The following SLAIN1 variants were observed in gnomAD, a reference collection of about 807,000 sequenced individuals.
The protein encoded by SLAIN1 is SLAIN motif-containing protein 1.
In SLAIN1, 17 loss-of-function variants were observed where a neutral mutation model predicts 55.4. The observed-to-expected ratio is 0.31, with a 90% confidence interval of 0.21 to 0.46. The LOEUF (loss-of-function observed/expected upper bound fraction) is 0.46, where lower values mean the gene tolerates loss of function less well. SLAIN1 is among the 20% of genes least tolerant of loss of function. The pLI is 1.00. For missense variants in SLAIN1, 682 were observed against 785.1 expected, an observed-to-expected ratio of 0.87 and a Z score of 1.57; for synonymous variants, 348 against 337.4, an observed-to-expected ratio of 1.03 and a Z score of -0.35.
At chr13:77,758,611 G>C (rs770111078) in intron 5 of SLAIN1, among the ~76,000 whole-genome samples, 3 of 152,042 alleles carry the variant, frequency 2.0e-5, no homozygotes, top group Non-Finnish European at 2.9e-5. Context: ...TATAAGGTGA[G>C]AGGTAGGTAT....
chr13:77,732,742 G>A (rs1196503400), intron 2 of SLAIN1, among the ~76,000 whole-genome samples: 39 of 151,960 alleles, frequency 2.6e-4, no homozygotes, highest in Admixed American at 2.6e-3. Flanking sequence ...AGTTGTAGCA[G>A]TCACTCTGGT....
chr13:77,698,335 A>T lies in SLAIN1; in HGVS notation c.422A>T (p.Gln141Leu). 2 of 1,448,012 alleles carry T rather than the reference A, an allele frequency of 1.4e-6. No homozygotes were observed. Among genetic ancestry groups the T allele is most frequent in the Non-Finnish European group, 1.8e-6 (2 of 1,102,468 alleles). The allele number at this position is 1,448,012 out of a possible 1,614,324, so 89.7% of individuals were successfully genotyped here. ...PAPSLLCSLA[Q>L]PPEAPFVYFK... is the part of the protein sequence containing the mutation. ...CCCTCCCTGCTTTGCAGCCTGGCGC[A>T]GCCACCCGAGGCGCCCTTCGTCTAC... Residue 141 changes from glutamine to leucine, a missense_variant, in exon 1 of 7, where the codon CAG becomes CTG. Coordinates refer to ENST00000418532, the MANE Select transcript of SLAIN1 (RefSeq NM_001242868.2). This position sits in a 1 kb window ranked among gnomAD's most constrained non-coding sequence, Gnocchi z 4.1.
chr13:77,762,288 CTA>C (rs1233321424), intron 6 of SLAIN1, among the ~76,000 whole-genome samples: 2 of 152,196 alleles, frequency 1.3e-5, no homozygotes, highest in African/African-American at 4.8e-5. Flanking sequence ...TTATCCTTGA[CTA>C]TGTGTCTCCA....
Position 77,760,965 on chromosome 13 carries a change from T to C in SLAIN1, c.1552T>C (p.Leu518=). 6.2e-7 allele frequency: 1 copy of C among 1,614,152 alleles called. No homozygotes were observed. Among genetic ancestry groups the C allele is most frequent in the Non-Finnish European group, 8.5e-7 (1 of 1,180,018 alleles). ...GSSNMPLSNG[L]QLYSNTGIPT... ...CAGTAACATGCCTTTATCAAACGGC[T>C]TACAGCTGTATTCCAACACAGGAAT... Residue 518 remains leucine (L), a synonymous_variant, in exon 6 of 7, where the codon TTA becomes CTA. Coordinates refer to ENST00000418532, the MANE Select transcript of SLAIN1 (RefSeq NM_001242868.2).
At chr13:77,759,840 C>T (rs929026719) in intron 5 of SLAIN1, among the ~76,000 whole-genome samples, 11 of 151,908 alleles carry the variant, frequency 7.2e-5, no homozygotes, top group African/African-American at 2.7e-4. Flanking sequence ...ATCAGTATTT[C>T]TGTGTATAGA....
In SLAIN1 at chr13:77,763,024, G is replaced by C. The variant is rs1875169315; in HGVS notation, c.1698-121G>C. On this transcript the variant is annotated intron_variant, in intron 6 of 6. Transcript: ENST00000418532. Reference sequence around the variant, plus strand: ...TGAACCACAAGGTACACTTGAGATGGTGCCAGTGGCTTCTCATTACTGCAG... The same window carrying C: ...TGAACCACAAGGTACACTTGAGATGCTGCCAGTGGCTTCTCATTACTGCAG... 10 of 752,148 alleles carry C rather than the reference G, an allele frequency of 1.3e-5. No homozygotes were observed. In the South Asian group the frequency reaches 1.7e-4, roughly 13 times the overall value. The allele number at this position is 752,148 out of a possible 1,614,324, so 46.6% of individuals were successfully genotyped here.
chr13:77,697,930 T>C lies in SLAIN1; in HGVS notation c.17T>C (p.Val6Ala), dbSNP rs1207857299. The change falls in exon 1 of 7, where the codon GTG becomes GCG. Residue 6 changes from valine (V) to alanine (A), a missense_variant. Val to Ala is a moderately conservative substitution (Grantham distance 64, BLOSUM62 0). Coordinates refer to ENST00000418532, the MANE Select transcript of SLAIN1 (RefSeq NM_001242868.2). MMAEQ[V>A]KCASAGVSSG... ...GGGCCCACGATGATGGCGGAGCAGGTGAAATGCGCCTCGGCAGGGGTCAGC... is the reference window on the plus strand; with the variant it reads ...GGGCCCACGATGATGGCGGAGCAGGCGAAATGCGCCTCGGCAGGGGTCAGC... 2.1e-6 allele frequency: 3 copies of C among 1,415,684 alleles called. No individual in the cohort carries two copies. In the Admixed American group the frequency reaches 7.5e-5, roughly 35 times the overall value. 87.7% of individuals were successfully genotyped at this position (1,415,684 alleles called of 1,614,324 possible).
chr13:77,725,435 C>G (rs2091298860), intron 2 of SLAIN1, among the ~76,000 whole-genome samples: 1 of 152,164 alleles, frequency 6.6e-6, no homozygotes, highest in African/African-American at 2.4e-5. Flanking sequence ...CCTTTTCACC[C>G]TCTTCCTCTC....
At chr13:77,752,419 C>G (rs1874293869) in intron 4 of SLAIN1, among the ~76,000 whole-genome samples, 1 of 151,404 alleles carries the variant, frequency 6.6e-6, no homozygotes, top group African/African-American at 2.4e-5. Flanking sequence ...GAACAGATAG[C>G]TAACTGCTTA....
chr13:77,717,589 T>A (rs2091220704), intron 1 of SLAIN1, among the ~76,000 whole-genome samples: 1 of 152,178 alleles, frequency 6.6e-6, no homozygotes, highest in Admixed American at 6.5e-5. Flanking sequence ...TCCACCTCCC[T>A]TTAAGGAAAA....
In SLAIN1 at chr13:77,698,024, C is replaced by A. The variant is rs2090990907; in HGVS notation, c.111C>A (p.Arg37=). The change falls in exon 1 of 7, where the codon CGC becomes CGA. Residue 37 remains arginine, a synonymous_variant. Transcript: ENST00000418532. This position sits in a 1 kb window ranked among gnomAD's most constrained non-coding sequence, Gnocchi z 4.1. ...TGAAGAAGCTGCAGGAGCTGGTGCG[C>A]AAGCTGGAGAAGCAGAACGAGCAGC... is the stretch of plus-strand genomic sequence containing the variant. The part of the protein sequence containing the change: ...LEVKKLQELV[R]KLEKQNEQLR... The A allele has an allele frequency of 9.1e-6, 13 of 1,427,580 alleles. No homozygotes were observed. Among genetic ancestry groups the A allele is most frequent in the Non-Finnish European group, 1.2e-5 (13 of 1,078,544 alleles). The allele number at this position is 1,427,580 out of a possible 1,614,324, so 88.4% of individuals were successfully genotyped here.
chr13:77,726,273 T>C (rs1392281532), intron 2 of SLAIN1, among the ~76,000 whole-genome samples: 4 of 152,174 alleles, frequency 2.6e-5, no homozygotes. Flanking sequence ...AAAAAATACG[T>C]TGTCTTCACA....
Position 77,753,375 on chromosome 13 carries a change from G to C in SLAIN1, c.1414+17G>C. ...AATCTTGTAGTGAGTATAATTATTT[G>C]ATATAATTATATATTGTATAATTGT... On this transcript the variant is annotated intron_variant, in intron 5 of 6. Transcript: ENST00000418532. The C allele has an allele frequency of 9.7e-6, 13 of 1,337,894 alleles. No homozygotes were observed. The highest frequency in any genetic ancestry group is 1.3e-5 in the Non-Finnish European group (13 of 994,074). The allele number at this position is 1,337,894 out of a possible 1,614,324, so 82.9% of individuals were successfully genotyped here.
At chr13:77,747,724 G>A (rs1873934217) in intron 4 of SLAIN1, among the ~76,000 whole-genome samples, 1 of 152,160 alleles carries the variant, frequency 6.6e-6, no homozygotes, top group Admixed American at 6.5e-5. Flanking sequence ...CAGGAACATG[G>A]AGGTTGCTTT....
At position 77,698,048 on chromosome 13, in the gene SLAIN1, G is replaced by A; in HGVS notation, c.135G>A (p.Gln45=). The change falls in exon 1 of 7, where the codon CAG becomes CAA. Residue 45 remains glutamine (Q), a synonymous_variant. Transcript: ENST00000418532. The surrounding 1 kb of genome is among the most constrained non-coding windows in gnomAD (Gnocchi z 4.1). ...LVRKLEKQNE[Q]LRSRAASAAA... ...GCAAGCTGGAGAAGCAGAACGAGCA[G>A]CTGCGGAGTCGAGCGGCCAGCGCGG... 7.2e-7 allele frequency: 1 copy of A among 1,390,796 alleles called. No individual in the cohort carries two copies. Among genetic ancestry groups the A allele is most frequent in the Non-Finnish European group, 9.5e-7 (1 of 1,056,664 alleles). The allele number at this position is 1,390,796 out of a possible 1,614,324, so 86.2% of individuals were successfully genotyped here.
At chr13:77,755,007 C>T (rs1874495849) in intron 5 of SLAIN1, among the ~76,000 whole-genome samples, 2 of 152,226 alleles carry the variant, frequency 1.3e-5, no homozygotes, top group African/African-American at 4.8e-5. Context: ...ACCGAGAGGA[C>T]TAACAACTCA....
At chr13:77,710,013 C>A (rs1448700769) in intron 1 of SLAIN1, among the ~76,000 whole-genome samples, 2 of 152,094 alleles carry the variant, frequency 1.3e-5, no homozygotes, top group Non-Finnish European at 2.9e-5. Flanking sequence ...CTCAGATGAT[C>A]TGCCAGGCTC....
chr13:77,699,231 G>A (rs2091006632), intron 1 of SLAIN1: 5 of 418,594 alleles, frequency 1.2e-5, no homozygotes, highest in African/African-American at 1.0e-4. Flanking sequence ...CAGGTGGGAG[G>A]GACTTTTTTA....
At chr13:77,737,110 A>G (rs1039702491) in intron 2 of SLAIN1, among the ~76,000 whole-genome samples, 8 of 152,082 alleles carry the variant, frequency 5.3e-5, no homozygotes, top group African/African-American at 1.9e-4. Context: ...TTTAATCTAA[A>G]CATGAGTATC....
Sources: gnomAD v4.1 joint callset for allele counts (sites outside exome capture counted in the v4.1 genomes callset) on GRCh38, gnomAD v4.1.1 for gene constraint, Gnocchi (gnomAD v3.1) non-coding constraint, MANE v1.5 for transcripts, NCBI Gene and HGNC (gene_info 2026-07-23, HGNC 2026-07-21) for gene names.